The following OTUD7A variants were observed in gnomAD, a reference collection of about 807,000 sequenced individuals.
OTUD7A encodes OTU domain-containing protein 7A.
OTUD7A carries 12 observed loss-of-function variants against 65.7 expected under a neutral mutation model. The observed-to-expected ratio is 0.18, with a 90% CI of 0.12 to 0.30. The LOEUF is 0.30. Among genes scored for constraint, OTUD7A ranks in the 10% least tolerant of loss-of-function variants. The pLI, the probability that OTUD7A is intolerant of heterozygous loss-of-function variation, is 1.00. For missense variants in OTUD7A, 1,148 were observed against 1,304.8 expected (o/e 0.88, Z 1.85); for synonymous variants, 641 against 586.3 (o/e 1.09, Z -1.35).
chr15:31,664,337 T>A (rs1231108173), intron 1 of OTUD7A, among the ~76,000 whole-genome samples: 1 of 74,828 alleles, frequency 1.3e-5, no homozygotes, highest in East Asian at 3.4e-4. Flanking sequence ...TGTTTGTTGA[T>A]TTTTTTTTTT....
intron 3 of OTUD7A, among the ~76,000 whole-genome samples, chr15:31,608,248 G>C (rs1466426170): frequency 6.7e-6 from 1 of 148,608 alleles, no homozygotes; most frequent in African/African-American, 2.5e-5. Context: ...TCTCAAAGAA[G>C]AAAAAAAAAG....
intron 1 of OTUD7A, among the ~76,000 whole-genome samples, chr15:31,831,306 A>T (rs1173324714): frequency 6.6e-6 from 1 of 152,214 alleles, no homozygotes; most frequent in African/African-American, 2.4e-5. Context: ...ACTTCGTAAA[A>T]ATTTTAAAAT....
chr15:31,550,310 C>A (rs1176418503), intron 5 of OTUD7A, among the ~76,000 whole-genome samples: 1 of 152,054 alleles, frequency 6.6e-6, no homozygotes, highest in Non-Finnish European at 1.5e-5. Flanking sequence ...ACAGCATGCA[C>A]CCTGGGCACT....
intron 1 of OTUD7A, among the ~76,000 whole-genome samples, chr15:31,734,655 A>G (rs1399185678): frequency 1.3e-5 from 2 of 152,198 alleles, no homozygotes; most frequent in South Asian, 2.1e-4. Flanking sequence ...GGAACGTGTA[A>G]AAGACTCTCT....
Position 31,542,837 on chromosome 15 carries a change from AT to A in OTUD7A, c.551-12030del, listed in dbSNP as rs1888025452. On this transcript the variant is annotated intron_variant, in intron 5 of 12. Transcript: ENST00000307050. Reference sequence around the variant, plus strand: ...GAAAGAAGAAGCCAAAAAAAAAAAAATCTTCAATGTGCTGAATGAAAATAAC... The same window carrying A: ...GAAAGAAGAAGCCAAAAAAAAAAAAACTTCAATGTGCTGAATGAAAATAAC... 3.3e-5 allele frequency among the ~76,000 whole-genome samples: 5 copies of A among 151,550 alleles called. No individual in the cohort carries two copies. In the South Asian group the frequency reaches 1.0e-3, roughly 31 times the overall value.
intron 1 of OTUD7A, among the ~76,000 whole-genome samples, chr15:31,796,188 TTATCTATCTATCTATCTATC>T (rs57720765): frequency 0.025 from 3,674 of 146,874 alleles, 98 homozygotes; most frequent in African/African-American, 0.072. Flanking sequence ...TATCTATGCA[TTATCTATCTATCTATCTATC>T]TATCTATCTA....
At chr15:31,510,173 G>A (rs561998565) in intron 8 of OTUD7A, among the ~76,000 whole-genome samples, 1 of 151,902 alleles carries the variant, frequency 6.6e-6, no homozygotes, top group East Asian at 1.9e-4. Flanking sequence ...TTGGCCCCCG[G>A]CCGGCTGCAG....
intron 1 of OTUD7A, among the ~76,000 whole-genome samples, chr15:31,846,966 G>A (rs1292592562): frequency 6.6e-6 from 1 of 152,214 alleles, no homozygotes; most frequent in East Asian, 1.9e-4. Flanking sequence ...TTTAGAGATA[G>A]AGACAATGAA....
chr15:31,788,709 C>T (rs1335269684), intron 1 of OTUD7A, among the ~76,000 whole-genome samples: 1 of 152,094 alleles, frequency 6.6e-6, no homozygotes, highest in Non-Finnish European at 1.5e-5. Flanking sequence ...TTTTTATAAA[C>T]ATTGCAGCAA....
At chr15:31,550,232 T>G (rs1316670009) in intron 5 of OTUD7A, among the ~76,000 whole-genome samples, 1 of 151,888 alleles carries the variant, frequency 6.6e-6, no homozygotes, top group Non-Finnish European at 1.5e-5. Flanking sequence ...AGCCCAATAA[T>G]GACTGTATCC....
chr15:31,765,110 T>C (rs866843205), intron 1 of OTUD7A, among the ~76,000 whole-genome samples: 6 of 152,260 alleles, frequency 3.9e-5, no homozygotes, highest in Middle Eastern at 3.4e-3. Context: ...CATCTTCTAA[T>C]AGATTATGAA....
chr15:31,798,175 G>A (rs967548231), intron 1 of OTUD7A, among the ~76,000 whole-genome samples: 1 of 152,100 alleles, frequency 6.6e-6, no homozygotes, highest in Non-Finnish European at 1.5e-5. Context: ...AAGGTATTGG[G>A]TAACGTTAGG....
At chr15:31,574,219 T>A (rs1285439884) in intron 3 of OTUD7A, among the ~76,000 whole-genome samples, 1 of 152,160 alleles carries the variant, frequency 6.6e-6, no homozygotes. Flanking sequence ...ATTAACATAG[T>A]TTTTTAAAAT....
chr15:31,717,468 C>A (rs537211723), intron 1 of OTUD7A, among the ~76,000 whole-genome samples: 8 of 152,302 alleles, frequency 5.3e-5, no homozygotes, highest in African/African-American at 1.9e-4. Flanking sequence ...TCAACTCCCA[C>A]TTATGAGTGA....
intron 1 of OTUD7A, among the ~76,000 whole-genome samples, chr15:31,686,521 G>C (rs1892840463): frequency 6.6e-6 from 1 of 152,208 alleles, no homozygotes; most frequent in African/African-American, 2.4e-5. Context: ...CATAACCTTT[G>C]GGTTTGCTCC....
chr15:31,692,962 GGTGGATGGCTTTATCTCTTA>G (rs879609588), intron 1 of OTUD7A, among the ~76,000 whole-genome samples: 1 of 151,422 alleles, frequency 6.6e-6, no homozygotes, highest in Non-Finnish European at 1.5e-5. Context: ...TTTATCTCTT[GGTGGATGGCTTTATCTCTTA>G]GTCTTCCTAA....
chr15:31,558,978 C>G lies in OTUD7A; in HGVS notation c.541G>C (p.Glu181Gln). 6.2e-7 allele frequency: 1 copy of G among 1,614,158 alleles called. No homozygotes were observed. ...LIEQATMVALEQAGRLNWWST... is the reference protein window; with the variant it reads ...LIEQATMVALQQAGRLNWWST... Reference sequence around the variant, plus strand: ...GGCAGGGGCAACTCACCTGCCTGCTCCAAAGCCACCATTGTTGCCTGCTCG... The same window carrying G: ...GGCAGGGGCAACTCACCTGCCTGCTGCAAAGCCACCATTGTTGCCTGCTCG... The change falls in exon 5 of 13, where the codon GAG becomes CAG. Residue 181 changes from glutamate to glutamine, a missense_variant. Coordinates refer to ENST00000307050, the MANE Select transcript of OTUD7A (RefSeq NM_001382637.1).
At chr15:31,803,732 C>T (rs537377994) in intron 1 of OTUD7A, among the ~76,000 whole-genome samples, 1 of 152,340 alleles carries the variant, frequency 6.6e-6, no homozygotes, top group South Asian at 2.1e-4. Flanking sequence ...CACATAAGTG[C>T]CTTCCACTGT....
At chr15:31,798,598 C>T (rs945492095) in intron 1 of OTUD7A, among the ~76,000 whole-genome samples, 8 of 152,246 alleles carry the variant, frequency 5.3e-5, no homozygotes, top group African/African-American at 7.2e-5. Flanking sequence ...CTGCACCAAC[C>T]TGCCAGGGAA....
Sources: gnomAD v4.1 joint callset for allele counts (sites outside exome capture counted in the v4.1 genomes callset) on GRCh38, gnomAD v4.1.1 for gene constraint, MANE v1.5 for transcripts, NCBI Gene and HGNC (gene_info 2026-07-23, HGNC 2026-07-21) for gene names.